The following DMD variants were observed in gnomAD, a reference collection of about 807,000 sequenced individuals.
DMD encodes the protein dystrophin.
Under a neutral mutation model 330.1 loss-of-function variants are expected in DMD, and 63 were observed. The observed-to-expected ratio is 0.19, with a 90% CI of 0.16 to 0.24. The LOEUF (loss-of-function observed/expected upper bound fraction) is 0.24, where lower values mean the gene tolerates loss of function less well. Among genes scored for constraint, DMD ranks in the 10% least tolerant of loss-of-function variants. DMD has a pLI of 1.00. For synonymous variants in DMD, 1,223 were observed against 959.8 expected (o/e 1.27, Z -5.07); for missense variants, 3,344 against 2,684.1 (o/e 1.25, Z -5.43).
At chrX:32,827,810 C>T (rs1025886973) in intron 4 of DMD, among the ~76,000 whole-genome samples, 5 of 110,157 alleles carry the variant, frequency 4.5e-5, no homozygotes, top group African/African-American at 1.7e-4. Flanking sequence ...TACAGGCATG[C>T]GCCACCACGC....
In DMD at chrX:32,468,629, G is replaced by T. The variant is rs982781720; in HGVS notation, c.3031C>A (p.Pro1011Thr). The change falls in exon 23 of 79, where the codon CCC (proline) becomes ACC (threonine). Residue 1011 changes from proline (P) to threonine (T), a missense_variant. Coordinates refer to ENST00000357033, the MANE Select transcript of DMD (RefSeq NM_004006.3). ...TGATATTTCCGGCTAATTTCAGAGGGCGCTTTCTTCGACATCTCTTTCACA... is the reference window on the plus strand; with the variant it reads ...TGATATTTCCGGCTAATTTCAGAGGTCGCTTTCTTCGACATCTCTTTCACA... ...TTVKEMSKKAPSEISRKYQSE... is the reference protein window; with the variant it reads ...TTVKEMSKKATSEISRKYQSE... 8.3e-7 allele frequency: 1 copy of T among 1,211,014 alleles called. No individual in the cohort carries two copies. Among genetic ancestry groups the T allele is most frequent in the Admixed American group, 2.2e-5 (1 of 45,851 alleles).
chrX:31,388,179 A>AT (rs1315797456), intron 60 of DMD, among the ~76,000 whole-genome samples: 1 of 105,724 alleles, frequency 9.5e-6, no homozygotes, highest in Non-Finnish European at 1.9e-5. Flanking sequence ...TTTTTTTTGT[A>AT]TTTTTAGTAG....
At chrX:33,279,942 T>C (rs2053297277) in intron 1 of DMD, among the ~76,000 whole-genome samples, 1 of 15,411 alleles carries the variant, frequency 6.5e-5, no homozygotes, top group Non-Finnish European at 1.3e-4. Flanking sequence ...CTTTATGTAG[T>C]TTTGATACTA....
intron 1 of DMD, among the ~76,000 whole-genome samples, chrX:33,059,386 TTCTCTC>T (rs113185861): frequency 2.8e-5 from 3 of 106,203 alleles, no homozygotes; most frequent in Non-Finnish European, 5.8e-5. Context: ...CTCACTTTCT[TTCTCTC>T]TCTCTCTCTC....
At chrX:32,584,113 A>G (rs1047765400) in intron 13 of DMD, among the ~76,000 whole-genome samples, 1 of 111,707 alleles carries the variant, frequency 9.0e-6, no homozygotes, top group African/African-American at 3.2e-5. Context: ...AGAGAAATAT[A>G]GAAAATCCAG....
At chrX:31,878,726 CAGAAA>C (rs1453366021) in intron 47 of DMD, among the ~76,000 whole-genome samples, 1 of 112,247 alleles carries the variant, frequency 8.9e-6, no homozygotes, top group East Asian at 2.8e-4. Context: ...GGACAGTTCA[CAGAAA>C]AGAAAATACA....
chrX:32,671,409 A>C (rs1402200272), intron 9 of DMD, among the ~76,000 whole-genome samples: 3 of 111,488 alleles, frequency 2.7e-5, no homozygotes, highest in Middle Eastern at 4.6e-3. Flanking sequence ...GTTCCCATTT[A>C]TCTTCAAAAT....
intron 69 of DMD, among the ~76,000 whole-genome samples, chrX:31,179,747 A>C (rs1023957585): frequency 4.5e-5 from 5 of 111,775 alleles, no homozygotes; most frequent in African/African-American, 1.6e-4. Flanking sequence ...CATTTTCCTA[A>C]AATAACATCT....
At chrX:31,625,326 T>C (rs1053196722) in intron 55 of DMD, among the ~76,000 whole-genome samples, 1 of 112,011 alleles carries the variant, frequency 8.9e-6, no homozygotes, top group Non-Finnish European at 1.9e-5. Flanking sequence ...ATTTTGAGAA[T>C]AAATGTAGTT....
intron 57 of DMD, among the ~76,000 whole-genome samples, chrX:31,484,803 A>C (rs1025587286): frequency 1.8e-5 from 2 of 111,594 alleles, no homozygotes; most frequent in African/African-American, 3.3e-5. Flanking sequence ...TTGTTCATTC[A>C]AAAAATATTT....
intron 4 of DMD, among the ~76,000 whole-genome samples, chrX:32,843,512 C>A (rs1156799253): frequency 8.9e-6 from 1 of 112,020 alleles, no homozygotes; most frequent in Non-Finnish European, 1.9e-5. Context: ...ATAAAATCAG[C>A]CAATTAATTG....
chrX:31,224,807 T>G (rs1472707758), intron 63 of DMD, among the ~76,000 whole-genome samples: 1 of 111,842 alleles, frequency 8.9e-6, no homozygotes, highest in East Asian at 2.8e-4. Flanking sequence ...CAAAGTGCAA[T>G]AAAAAGGAAC....
At chrX:32,146,511 G>C (rs990020738) in intron 44 of DMD, among the ~76,000 whole-genome samples, 1 of 111,535 alleles carries the variant, frequency 9.0e-6, no homozygotes, top group African/African-American at 3.3e-5. Flanking sequence ...AACTTCCCTT[G>C]CTTCAATTTT....
At chrX:31,958,391 G>C (rs755242808) in intron 45 of DMD, among the ~76,000 whole-genome samples, 40 of 111,103 alleles carry the variant, frequency 3.6e-4, no homozygotes, top group Non-Finnish European at 6.6e-4. Context: ...AAATAAAAAG[G>C]GCTCATTTCT....
chrX:32,482,001 A>G (rs1304808994), intron 21 of DMD, among the ~76,000 whole-genome samples: 1 of 111,887 alleles, frequency 8.9e-6, no homozygotes, highest in Non-Finnish European at 1.9e-5. Context: ...CAGTCAAAAC[A>G]CTGGCTTTGT....
At chrX:32,550,436 C>G (rs1420869587) in intron 16 of DMD, among the ~76,000 whole-genome samples, 2 of 111,283 alleles carry the variant, frequency 1.8e-5, no homozygotes, top group Non-Finnish European at 3.8e-5. Flanking sequence ...TTATTTGAAA[C>G]TAATGAAAAT....
At chrX:32,977,428 G>C (rs1025250818) in intron 2 of DMD, among the ~76,000 whole-genome samples, 1 of 111,464 alleles carries the variant, frequency 9.0e-6, no homozygotes, top group Admixed American at 9.6e-5. Context: ...GACTGTGGCC[G>C]ACTTGGTTCT....
intron 11 of DMD, among the ~76,000 whole-genome samples, chrX:32,642,001 G>C (rs1249006759): frequency 9.0e-6 from 1 of 110,723 alleles, no homozygotes; most frequent in Non-Finnish European, 1.9e-5. Context: ...GTAAAACCTA[G>C]ATTAGTTTTT....
rs2040713128 is a variant in DMD at position 32,472,184 on chromosome X, G to T, written c.2929C>A (p.Gln977Lys). 5.0e-6 allele frequency: 6 copies of T among 1,211,225 alleles called. No individual in the cohort carries two copies. Among genetic ancestry groups the T allele is most frequent in the Non-Finnish European group, 6.7e-6 (6 of 895,185 alleles). ...LSVTDYEIME[Q>K]RLGELQALQS... ...CAGACCTGCAATTCCCCGAGTCTCT[G>T]CTCCATGATTTCATAGTCGGTGACA... The change falls in exon 22 of 79, where the codon CAG (glutamine) becomes AAG (lysine). Residue 977 changes from glutamine to lysine, a missense_variant. Gln to Lys is a moderately conservative substitution (Grantham distance 53). Coordinates refer to ENST00000357033, the MANE Select transcript of DMD (RefSeq NM_004006.3).
Sources: gnomAD v4.1 joint callset for allele counts (sites outside exome capture counted in the v4.1 genomes callset) on GRCh38, gnomAD v4.1.1 for gene constraint, MANE v1.5 for transcripts, NCBI Gene and HGNC (gene_info 2026-07-23, HGNC 2026-07-21) for gene names.